The following LDB2 variants were observed in gnomAD, a reference collection of about 807,000 sequenced individuals.
LDB2 encodes the protein LIM domain-binding protein 2.
Under a neutral mutation model 44.3 loss-of-function variants are expected in LDB2, and 12 were observed. That is an observed-to-expected ratio of 0.27 (90% CI 0.17 to 0.44). The LOEUF (loss-of-function observed/expected upper bound fraction) is 0.44. Ranked by LOEUF, LDB2 falls within the 20% of genes least tolerant of loss-of-function variation. LDB2 has a pLI of 1.00. For missense variants in LDB2, 344 were observed against 473.5 expected, an observed-to-expected ratio of 0.73 and a Z score of 2.54; for synonymous variants, 164 against 174.8, an observed-to-expected ratio of 0.94 and a Z score of 0.49.
chr4:16,584,509 T>G (rs1333890631), intron 5 of LDB2, among the ~76,000 whole-genome samples: 3 of 152,208 alleles, frequency 2.0e-5, no homozygotes, highest in African/African-American at 7.2e-5. Context: ...GGTGCCTCAC[T>G]TTGCTACAGG....
chr4:16,571,535 T>C (rs564811895), intron 5 of LDB2, among the ~76,000 whole-genome samples: 36 of 152,306 alleles, frequency 2.4e-4, no homozygotes, highest in Admixed American at 1.8e-3. Flanking sequence ...GGTAACATTT[T>C]TGCAGCATGA....
chr4:16,793,520 T>C (rs1776171617), intron 1 of LDB2, among the ~76,000 whole-genome samples: 1 of 152,216 alleles, frequency 6.6e-6, no homozygotes, highest in Non-Finnish European at 1.5e-5. Flanking sequence ...GTGCAGGTCT[T>C]TACCCAAGAT....
chr4:16,629,820 G>A (rs939232183), intron 2 of LDB2, among the ~76,000 whole-genome samples: 1 of 151,942 alleles, frequency 6.6e-6, no homozygotes, highest in Non-Finnish European at 1.5e-5. Flanking sequence ...ATTCAATCAA[G>A]CGGAAGAAAG....
intron 2 of LDB2, among the ~76,000 whole-genome samples, chr4:16,714,835 C>T (rs1464879035): frequency 6.6e-6 from 1 of 152,016 alleles, no homozygotes; most frequent in Non-Finnish European, 1.5e-5. Context: ...TTGGCTTTCT[C>T]GTGGTCTTCC....
chr4:16,511,859 A>T, intron 6 of LDB2, 122 bp downstream of exon 6: 1 of 1,104,558 alleles, frequency 9.1e-7, no homozygotes, highest in Non-Finnish European at 1.3e-6. Flanking sequence ...TGGTCAGAAT[A>T]TCCCTAATAA....
intron 1 of LDB2, among the ~76,000 whole-genome samples, chr4:16,838,151 T>C (rs1470814795): frequency 2.0e-5 from 3 of 152,220 alleles, no homozygotes; most frequent in East Asian, 1.9e-4. Flanking sequence ...TCTTGAGCCA[T>C]GAGTTTTTCC....
intron 1 of LDB2, among the ~76,000 whole-genome samples, chr4:16,851,497 G>A (rs12508520): frequency 6.6e-6 from 1 of 151,968 alleles, no homozygotes; most frequent in Non-Finnish European, 1.5e-5. Context: ...GGGAGGCTGA[G>A]GTGAGAGAAT....
chr4:16,731,687 C>T (rs925505533), intron 2 of LDB2, among the ~76,000 whole-genome samples: 1 of 152,104 alleles, frequency 6.6e-6, no homozygotes, highest in African/African-American at 2.4e-5. Flanking sequence ...ACCTAGTATA[C>T]GAAATTTTAT....
chr4:16,852,399 CA>C (rs1251660811), intron 1 of LDB2, among the ~76,000 whole-genome samples: 1 of 152,132 alleles, frequency 6.6e-6, no homozygotes, highest in East Asian at 1.9e-4. Flanking sequence ...TACACATCTG[CA>C]ATGCAATGAA....
At chr4:16,767,529 C>G (rs1769623519) in intron 1 of LDB2, among the ~76,000 whole-genome samples, 1 of 152,154 alleles carries the variant, frequency 6.6e-6, no homozygotes, top group Non-Finnish European at 1.5e-5. Context: ...TCCCAACAGA[C>G]AGCTACTTCC....
chr4:16,672,500 C>T (rs1191574261), intron 2 of LDB2, among the ~76,000 whole-genome samples: 1 of 152,156 alleles, frequency 6.6e-6, no homozygotes, highest in African/African-American at 2.4e-5. Flanking sequence ...GGGAACTGAG[C>T]CCTTACTTTC....
intron 1 of LDB2, among the ~76,000 whole-genome samples, chr4:16,801,353 T>C (rs1412392019): frequency 1.3e-5 from 2 of 152,212 alleles, no homozygotes; most frequent in South Asian, 2.1e-4. Context: ...TATTTACTTA[T>C]GCATTTCCAC....
At chr4:16,592,453 G>C (rs918460414) in intron 3 of LDB2, among the ~76,000 whole-genome samples, 1 of 112,038 alleles carries the variant, frequency 8.9e-6, no homozygotes, top group African/African-American at 3.8e-5. Flanking sequence ...GCATTCATAT[G>C]CATTATACAT....
intron 2 of LDB2, among the ~76,000 whole-genome samples, chr4:16,665,251 C>T (rs865780996): frequency 0.1 from 463 of 4,562 alleles, 5 homozygotes; most frequent in Non-Finnish European, 0.33. Context: ...AGTAGATATT[C>T]TCTTTTTTTT....
At chr4:16,891,206 T>C (rs1169492980) in intron 1 of LDB2, among the ~76,000 whole-genome samples, 1 of 148,320 alleles carries the variant, frequency 6.7e-6, no homozygotes, top group Admixed American at 6.8e-5. Flanking sequence ...AATTTAAATA[T>C]TTTTAAGTAA....
chr4:16,885,040 A>G (rs1024397057), intron 1 of LDB2, among the ~76,000 whole-genome samples: 1 of 150,470 alleles, frequency 6.6e-6, no homozygotes, highest in African/African-American at 2.4e-5. Flanking sequence ...TACGTGTATG[A>G]GGCTTATTTT....
intron 1 of LDB2, among the ~76,000 whole-genome samples, chr4:16,823,750 T>C (rs1782533769): frequency 6.6e-6 from 1 of 152,228 alleles, no homozygotes; most frequent in South Asian, 2.1e-4. Flanking sequence ...CTCCCACATC[T>C]AACTTACCAT....
intron 7 of LDB2, among the ~76,000 whole-genome samples, chr4:16,503,903 G>T (rs1027542590): frequency 9.2e-5 from 14 of 152,170 alleles, no homozygotes; most frequent in Admixed American, 3.9e-4. Context: ...GCATACACAG[G>T]GCAGAGCTCC....
At chr4:16,785,561 C>T (rs527439731) in intron 1 of LDB2, among the ~76,000 whole-genome samples, 8 of 152,088 alleles carry the variant, frequency 5.3e-5, no homozygotes, top group Admixed American at 1.3e-4. Context: ...GCAGCCGCAT[C>T]GGGTGAAAGC....
Sources: gnomAD v4.1 joint callset for allele counts (sites outside exome capture counted in the v4.1 genomes callset) on GRCh38, gnomAD v4.1.1 for gene constraint, MANE v1.5 for transcripts, NCBI Gene and HGNC (gene_info 2026-07-23, HGNC 2026-07-21) for gene names.